FAM161B: variants seen among roughly 807,000 people sequenced by gnomAD.
The protein encoded by FAM161B is protein FAM161B.
FAM161B carries 46 observed loss-of-function variants against 61.5 expected under a neutral mutation model. The ratio of observed to expected loss-of-function variants is 0.75; its 90% CI spans 0.59 to 0.96. FAM161B has a LOEUF of 0.96. Ranked by LOEUF, FAM161B falls within the 40% of genes least tolerant of loss-of-function variation. The pLI is 0.00. For synonymous variants in FAM161B, 284 were observed against 302.7 expected, an observed-to-expected ratio of 0.94 and a Z score of 0.64; for missense variants, 774 against 800.7, an observed-to-expected ratio of 0.97 and a Z score of 0.40.
At chr14:73,930,243 A>G (rs2055891349), downstream of FAM161B, among the ~76,000 whole-genome samples, 1 of 152,186 alleles carries the variant, frequency 6.6e-6, no homozygotes, top group Admixed American at 6.5e-5. Flanking sequence ...CACAGCATCA[A>G]ATGGAATATG....
chr14:73,942,124 G>A (rs543756628), intron 4 of FAM161B, among the ~76,000 whole-genome samples: 42 of 152,248 alleles, frequency 2.8e-4, no homozygotes, highest in African/African-American at 1.0e-3. Context: ...CTGAATGGCT[G>A]GAACTACAGG....
downstream of FAM161B, chr14:73,932,015 C>T (rs749016822): frequency 2.0e-5 from 9 of 456,490 alleles, no homozygotes; most frequent in Admixed American, 7.0e-5. Flanking sequence ...TGTCAATTCT[C>T]TTGTTACATT....
intron 2 of FAM161B, 56 bp downstream of exon 2, chr14:73,946,230 G>A (rs748472766): frequency 1.2e-5 from 18 of 1,525,402 alleles, no homozygotes; most frequent in South Asian, 8.5e-5. Flanking sequence ...CCAGAGACAC[G>A]ATGTGACCTG....
At chr14:73,948,078 C>T (rs2056081863) in intron 1 of FAM161B, among the ~76,000 whole-genome samples, 1 of 152,128 alleles carries the variant, frequency 6.6e-6, no homozygotes, top group Non-Finnish European at 1.5e-5. Context: ...CACACACCAT[C>T]ACACCTGGCT....
intron 8 of FAM161B, among the ~76,000 whole-genome samples, chr14:73,934,691 C>G (rs1429820809): frequency 3.3e-5 from 5 of 151,916 alleles, no homozygotes. Context: ...AAGCGATCCA[C>G]CCACGTCAGC....
chr14:73,937,592 TTAG>T lies in FAM161B; in HGVS notation c.1665+7_1665+9del, dbSNP rs1300660532. On this transcript the variant is annotated splice_region_variant and intron_variant, in intron 7 of 8. Transcript: ENST00000286544. ...AGGCAGAAAGAAAACAAATGATGGT[TTAG>T]TTTTACCTTGGCAACTTGTTCAAAG... The T allele has an allele frequency of 1.1e-5, 18 of 1,606,720 alleles. No individual in the cohort carries two copies. Among genetic ancestry groups the T allele is most frequent in the Admixed American group, 1.7e-5 (1 of 58,516 alleles).
At position 73,944,432 on chromosome 14, in the gene FAM161B, G is replaced by A. The variant is rs148929624; in HGVS notation, c.828C>T (p.Asp276=). 3.2e-5 allele frequency: 51 copies of A among 1,613,222 alleles called. 1 individual carries two copies. Among genetic ancestry groups the A allele is most frequent in the Non-Finnish European group, 1.4e-5 (17 of 1,179,362 alleles). ...EQLKEAARQR[D]LAATAEAKIS... is the part of the protein sequence containing the mutation. ...TCTTGGCTTCAGCTGTGGCTGCCAA[G>A]TCTCTCTGTCGAGCAGCTTCCTTTA... The change falls in exon 3 of 9, where the codon GAC becomes GAT. Residue 276 remains aspartate, a synonymous_variant. Transcript: ENST00000286544.
chr14:73,944,593 C>T lies in FAM161B; in HGVS notation c.667G>A (p.Ala223Thr). Residue 223 changes from alanine to threonine, a missense_variant, in exon 3 of 9, where the codon GCA becomes ACA. Ala to Thr is a moderately conservative substitution (Grantham distance 58). Coordinates refer to ENST00000286544, the MANE Select transcript of FAM161B (RefSeq NM_152445.3). ...HRQFRAQPVPAHVYLPLYQEI... is the reference protein window; with the variant it reads ...HRQFRAQPVPTHVYLPLYQEI... ...TGGTAGAGGGGCAGGTAGACATGTG[C>T]AGGCACAGGCTGTGCCCGGAACTGC... is the stretch of plus-strand genomic sequence containing the variant. The T allele has an allele frequency of 6.2e-7, 1 of 1,614,142 alleles. No individual in the cohort carries two copies. The highest frequency in any genetic ancestry group is 8.5e-7 in the Non-Finnish European group (1 of 1,180,028).
Position 73,934,267 on chromosome 14 carries a change from A to C in FAM161B, c.1933T>G (p.Ser645Ala), listed in dbSNP as rs139648270. The change falls in exon 9 of 9, where the codon TCA becomes GCA. Residue 645 changes from serine to alanine, a missense_variant. By Grantham distance (99) the Ser-to-Ala change is moderately conservative. Transcript: ENST00000286544. ...TTTAAGTGTAGTGATTAAGCAAGTGATACGAGATTTTCTGGTGACTGATGA... is the reference window on the plus strand; with the variant it reads ...TTTAAGTGTAGTGATTAAGCAAGTGCTACGAGATTTTCTGGTGACTGATGA... The part of the protein sequence containing the change: ...LSHQSPENLV[S>A]LA 6.8e-6 allele frequency: 11 copies of C among 1,612,394 alleles called. No homozygotes were observed. Among genetic ancestry groups the C allele is most frequent in the Middle Eastern group, 1.6e-4 (1 of 6,072 alleles).
chr14:73,949,763 C>T (rs565739729), intron 1 of FAM161B, among the ~76,000 whole-genome samples: 1 of 152,252 alleles, frequency 6.6e-6, no homozygotes, highest in Non-Finnish European at 1.5e-5. Context: ...AGAGGATAAG[C>T]GAAAACTGAG....
At chr14:73,931,920 A>G, downstream of FAM161B, 1 of 457,496 alleles carries the variant, frequency 2.2e-6, no homozygotes, top group Non-Finnish European at 4.4e-6. Flanking sequence ...TTTCACATGG[A>G]TGAAATAATT....
At chr14:73,931,807 T>C (rs1330160957), downstream of FAM161B, 2 of 483,050 alleles carry the variant, frequency 4.1e-6, no homozygotes, top group African/African-American at 2.0e-5. Flanking sequence ...ATTTCTGGGA[T>C]AGACCAAAAG....
At chr14:73,939,299 G>GA (rs888154474) in intron 5 of FAM161B, among the ~76,000 whole-genome samples, 21 of 151,794 alleles carry the variant, frequency 1.4e-4, no homozygotes, top group African/African-American at 3.9e-4. Context: ...ACTCTGTCTC[G>GA]AAAAAAAATA....
At chr14:73,931,403 G>A, downstream of FAM161B, 1 of 1,017,948 alleles carries the variant, frequency 9.8e-7, no homozygotes, top group Admixed American at 2.1e-5. Flanking sequence ...CACCCCTGTA[G>A]TGCATTCTCC....
chr14:73,949,098 T>TTTTG (rs956208179), intron 1 of FAM161B, among the ~76,000 whole-genome samples: 3 of 139,680 alleles, frequency 2.1e-5, no homozygotes, highest in African/African-American at 7.6e-5. Context: ...TTTTGTATTT[T>TTTTG]TTTGTTTGTT....
At chr14:73,927,233 G>T, downstream of FAM161B, 1 of 226,614 alleles carries the variant, frequency 4.4e-6, no homozygotes, top group Non-Finnish European at 9.5e-6. Flanking sequence ...CCACAGGCAG[G>T]TGCCACCACG....
At chr14:73,934,961 C>T (rs557258801) in intron 8 of FAM161B, among the ~76,000 whole-genome samples, 139 of 151,894 alleles carry the variant, frequency 9.2e-4, no homozygotes, top group African/African-American at 3.2e-3. Flanking sequence ...GCAGGAGAAT[C>T]GCTTGAACCC....
At chr14:73,929,355 G>A (rs1173130121), downstream of FAM161B, among the ~76,000 whole-genome samples, 2 of 152,100 alleles carry the variant, frequency 1.3e-5, no homozygotes, top group African/African-American at 2.4e-5. Flanking sequence ...TCCAGTGAGT[G>A]AGGAATGTTG....
intron 8 of FAM161B, among the ~76,000 whole-genome samples, chr14:73,934,751 A>AT (rs1374730009): frequency 1.3e-5 from 2 of 152,130 alleles, no homozygotes; most frequent in South Asian, 2.1e-4. Flanking sequence ...CCAGTCTGAA[A>AT]AAAGAAAGTC....
Sources: allele counts gnomAD v4.1 joint callset (sites outside exome capture counted in the v4.1 genomes callset), GRCh38; gene constraint gnomAD v4.1.1; transcripts MANE v1.5; gene names NCBI Gene and HGNC (gene_info 2026-07-23, HGNC 2026-07-21).